The following ZBTB25 variants were observed in gnomAD, a reference collection of about 807,000 sequenced individuals.
ZBTB25 encodes zinc finger and BTB domain-containing protein 25.
In ZBTB25, 20 loss-of-function variants were observed where a neutral mutation model predicts 34.2. That is an observed-to-expected ratio of 0.58 (90% confidence interval 0.41 to 0.85). The LOEUF is 0.85. Among genes scored for constraint, ZBTB25 ranks in the 40% least tolerant of loss-of-function variants. The probability of loss-of-function intolerance (pLI) is 0.00; values close to 1 mark genes in which losing one functional copy is unlikely to be tolerated. For synonymous variants in ZBTB25, 175 were observed against 186.4 expected (o/e 0.94, Z 0.50); for missense variants, 437 against 521.8 (o/e 0.84, Z 1.58).
intron 2 of ZBTB25, among the ~76,000 whole-genome samples, chr14:64,465,014 T>G (rs1455230311): frequency 6.6e-6 from 1 of 152,252 alleles, no homozygotes; most frequent in Non-Finnish European, 1.5e-5. Flanking sequence ...TCCATTTATA[T>G]ATGTAATTTT....
intron 1 of ZBTB25, chr14:64,502,757 G>C: frequency 1.0e-5 from 10 of 978,340 alleles, no homozygotes; most frequent in Non-Finnish European, 1.2e-5. Context: ...TGGAGTCTTA[G>C]CTATCAAGAG....
At chr14:64,476,994 C>T (rs1055055952), downstream of ZBTB25, among the ~76,000 whole-genome samples, 1 of 152,100 alleles carries the variant, frequency 6.6e-6, no homozygotes, top group Non-Finnish European at 1.5e-5. Flanking sequence ...CAGCAAAATC[C>T]ACCCTTTTAA....
intron 2 of ZBTB25, chr14:64,449,643 A>C: frequency 6.2e-7 from 1 of 1,612,370 alleles, no homozygotes; most frequent in South Asian, 1.1e-5. Context: ...TGCTGTCTGC[A>C]AAAAAAGAAA....
rs577714239 is a variant in ZBTB25, at chr14:64,490,064, C to T, written c.173+297G>A. 6.1e-4 allele frequency among the ~76,000 whole-genome samples: 92 copies of T among 150,212 alleles called. 2 individuals are homozygous for T. In the East Asian group the frequency reaches 0.016, roughly 26 times the overall value. ...CTCTACTAAAAATACAAAAATTAAC[C>T]GGGCGTGGTGGCAGGCGCCTGTAAT... On this transcript the variant is annotated intron_variant, in intron 2 of 2. Transcript: ENST00000608382.
At chr14:64,500,377 T>C (rs1006941746) in intron 1 of ZBTB25, among the ~76,000 whole-genome samples, 6 of 148,776 alleles carry the variant, frequency 4.0e-5, no homozygotes, top group African/African-American at 1.5e-4. Context: ...CATGACTGAT[T>C]TGTAACCAGA....
At chr14:64,449,136 C>T (rs2078331103) in exon 3 of ZBTB25, 1 of 419,242 alleles carries the variant, frequency 2.4e-6, no homozygotes, top group South Asian at 2.1e-5. Flanking sequence ...CTGATTCCTT[C>T]TGGAGTGCTG....
intron 1 of ZBTB25, among the ~76,000 whole-genome samples, chr14:64,498,940 C>G (rs972404968): frequency 6.6e-6 from 1 of 152,132 alleles, no homozygotes; most frequent in Non-Finnish European, 1.5e-5. Flanking sequence ...AGCCCAGATT[C>G]TTTTTTTAAA....
At chr14:64,493,912 C>A (rs573968599) in intron 1 of ZBTB25, among the ~76,000 whole-genome samples, 3 of 151,726 alleles carry the variant, frequency 2.0e-5, no homozygotes, top group Non-Finnish European at 4.4e-5. Context: ...AAGTGTCTAC[C>A]AGGTATCTAA....
At position 64,487,670 on chromosome 14, in the gene ZBTB25, A is replaced by C; in HGVS notation, c.561T>G (p.Cys187Trp). ...GCTCCTCCAGGGCCTGGGTGGCAGGACAGGCCCTCTGCTGGTCTGCAGTGC... is the reference window on the plus strand; with the variant it reads ...GCTCCTCCAGGGCCTGGGTGGCAGGCCAGGCCCTCTGCTGGTCTGCAGTGC... ...DDGTADQQRACPATQALEEHQ... is the reference protein window; with the variant it reads ...DDGTADQQRAWPATQALEEHQ... Residue 187 changes from cysteine (C) to tryptophan (W), a missense_variant, in exon 3 of 3, where the codon TGT (cysteine) becomes TGG (tryptophan). Cys to Trp is a radical substitution (Grantham distance 215). Coordinates refer to ENST00000608382, the MANE Select transcript of ZBTB25 (RefSeq NM_006977.5). 1 of 1,607,428 alleles carries C rather than the reference A, an allele frequency of 6.2e-7. No homozygotes were observed. Among genetic ancestry groups the C allele is most frequent in the African/African-American group, 1.3e-5 (1 of 74,792 alleles).
intron 2 of ZBTB25, among the ~76,000 whole-genome samples, chr14:64,453,556 C>T (rs1390564490): frequency 6.6e-6 from 1 of 152,058 alleles, no homozygotes; most frequent in Non-Finnish European, 1.5e-5. Flanking sequence ...GGCAACAGAG[C>T]GAAACTCCGT....
chr14:64,501,074 C>T (rs759992372), intron 1 of ZBTB25, among the ~76,000 whole-genome samples: 2 of 151,964 alleles, frequency 1.3e-5, no homozygotes, highest in Admixed American at 6.6e-5. Flanking sequence ...ACAAAAAAAA[C>T]CCCAGAAGTA....
chr14:64,461,127 T>G (rs2078549769), intron 2 of ZBTB25: 1 of 152,140 alleles, frequency 6.6e-6, no homozygotes, highest in South Asian at 2.1e-4. Flanking sequence ...CTTGTCTCCC[T>G]CCACTGGATC....
chr14:64,464,709 G>A (rs2078592104), intron 2 of ZBTB25, among the ~76,000 whole-genome samples: 1 of 152,180 alleles, frequency 6.6e-6, no homozygotes, highest in Non-Finnish European at 1.5e-5. Context: ...TTTTACAGCT[G>A]GAGCTCCCAG....
chr14:64,459,293 C>A (rs2140995077), intron 2 of ZBTB25, among the ~76,000 whole-genome samples: 1 of 152,266 alleles, frequency 6.6e-6, no homozygotes, highest in Admixed American at 6.5e-5. Context: ...AGCGAAGGGG[C>A]ATTCTGATAA....
chr14:64,501,315 T>C (rs1274040789), intron 1 of ZBTB25, among the ~76,000 whole-genome samples: 1 of 152,200 alleles, frequency 6.6e-6, no homozygotes, highest in East Asian at 1.9e-4. Context: ...TAATGTATTA[T>C]TTTCATTTCC....
intron 2 of ZBTB25, among the ~76,000 whole-genome samples, chr14:64,452,921 A>G (rs1227647344): frequency 6.6e-6 from 1 of 151,886 alleles, no homozygotes; most frequent in Admixed American, 6.5e-5. Context: ...GAGTGTTGCT[A>G]TGTTGCCCAG....
At chr14:64,494,674 G>C (rs1191992103) in intron 1 of ZBTB25, among the ~76,000 whole-genome samples, 2 of 152,018 alleles carry the variant, frequency 1.3e-5, no homozygotes, top group African/African-American at 4.8e-5. Flanking sequence ...AGGGTATAAA[G>C]CTTAGACACA....
intron 1 of ZBTB25, chr14:64,503,161 A>C (rs930196448): frequency 3.0e-6 from 3 of 985,390 alleles, no homozygotes; most frequent in African/African-American, 1.7e-5. Context: ...GCTTAGAACA[A>C]GATAAACATA....
upstream of ZBTB25, chr14:64,505,168 G>A (rs1458547289): frequency 6.0e-6 from 2 of 334,656 alleles, no homozygotes; most frequent in East Asian, 4.6e-5. Context: ...CTGAGTCGGA[G>A]GCGAAGCCCC....
Sources: allele counts gnomAD v4.1 joint callset (sites outside exome capture counted in the v4.1 genomes callset), GRCh38; gene constraint gnomAD v4.1.1; transcripts MANE v1.5; gene names NCBI Gene and HGNC (gene_info 2026-07-23, HGNC 2026-07-21).